CIT: variants seen among roughly 807,000 people sequenced by gnomAD.
CIT encodes the protein citron Rho-interacting kinase.
Under a neutral mutation model 272.7 loss-of-function variants are expected in CIT, and 79 were observed. The ratio of observed to expected loss-of-function variants is 0.29; its 90% CI spans 0.24 to 0.35. The LOEUF (loss-of-function observed/expected upper bound fraction) is 0.35, where lower values mean the gene tolerates loss of function less well. Among genes scored for constraint, CIT ranks in the 10% least tolerant of loss-of-function variants. The pLI is 1.00. For missense variants in CIT, 1,909 were observed against 2,618.3 expected (o/e 0.73, Z 5.91); for synonymous variants, 948 against 995.6 (o/e 0.95, Z 0.90).
At chr12:119,739,161 T>G (rs1670235059) in intron 24 of CIT, among the ~76,000 whole-genome samples, 1 of 152,200 alleles carries the variant, frequency 6.6e-6, no homozygotes, top group South Asian at 2.1e-4. Flanking sequence ...GGCAGCTATT[T>G]GCATATTATT....
intron 24 of CIT, among the ~76,000 whole-genome samples, chr12:119,738,624 C>T (rs145756704): frequency 0.015 from 2,357 of 152,148 alleles, 68 homozygotes; most frequent in African/African-American, 0.055. Flanking sequence ...TGGCTCACAC[C>T]TGTAATCCCA....
At chr12:119,696,802 C>T (rs755606599) in intron 46 of CIT, among the ~76,000 whole-genome samples, 2 of 152,180 alleles carry the variant, frequency 1.3e-5, no homozygotes, top group African/African-American at 4.8e-5. Context: ...GCTGGGATTA[C>T]AGGTGTGAGC....
chr12:119,858,045 G>C (rs1268111010), intron 3 of CIT, among the ~76,000 whole-genome samples: 1 of 152,204 alleles, frequency 6.6e-6, no homozygotes, highest in African/African-American at 2.4e-5. Context: ...TTAGCATTTA[G>C]ACTGGTTTAC....
At chr12:119,760,888 T>A (rs1961699085) in intron 20 of CIT, 51 bp downstream of exon 20, 7 of 1,155,368 alleles carry the variant, frequency 6.1e-6, no homozygotes, top group Non-Finnish European at 9.2e-6. Flanking sequence ...ATTCTTGGCA[T>A]ATTTCAAAAA....
chr12:119,782,508 G>A lies in CIT; in HGVS notation c.1665+10C>T. The A allele has an allele frequency of 6.2e-7, 1 of 1,613,248 alleles. No homozygotes were observed. The highest frequency in any genetic ancestry group is 8.5e-7 in the Non-Finnish European group (1 of 1,179,696). ...GAGATGCTGCTGTGCTCCCAGGCAA[G>A]CAGGCCTACCTGCTCTTTGATTTCT... On this transcript the variant is annotated intron_variant, in intron 13 of 47. Transcript: ENST00000392521.
chr12:119,853,324 C>CAA (rs199867661), intron 4 of CIT, among the ~76,000 whole-genome samples: 6 of 82,692 alleles, frequency 7.3e-5, no homozygotes, highest in Non-Finnish European at 1.2e-4. Flanking sequence ...ACTCTGTCTC[C>CAA]AAAAAAAAAA....
At chr12:119,724,852 C>T (rs779401953) in intron 28 of CIT, among the ~76,000 whole-genome samples, 1 of 133,522 alleles carries the variant, frequency 7.5e-6, no homozygotes, top group African/African-American at 2.7e-5. Flanking sequence ...GGCAGAATGG[C>T]GTGAACCCGG....
intron 23 of CIT, among the ~76,000 whole-genome samples, chr12:119,747,271 A>G (rs574052414): frequency 6.8e-4 from 104 of 152,210 alleles, no homozygotes; most frequent in African/African-American, 2.3e-3. Context: ...AAATTTAAAA[A>G]TTAGCTGGGA....
chr12:119,742,067 G>C (rs1959084442), intron 24 of CIT, among the ~76,000 whole-genome samples: 2 of 152,144 alleles, frequency 1.3e-5, no homozygotes, highest in Non-Finnish European at 2.9e-5. Flanking sequence ...ACCTGGGCTA[G>C]CCATGGAACC....
rs367890161 is a variant in CIT at position 119,689,567 on chromosome 12, G to A, written c.6186+584C>T. On this transcript the variant is annotated intron_variant, in intron 47 of 47. Coordinates refer to ENST00000392521, the MANE Select transcript of CIT (RefSeq NM_001206999.2). The stretch of plus-strand genomic sequence containing the variant: ...GAAACTGCTACCACTTGCCTCTGGA[G>A]AAGGGAAAACATTTTTTGGTAGCTA... Among the ~76,000 whole-genome samples, 3 of 150,292 alleles carry A rather than the reference G, an allele frequency of 2.0e-5. No homozygotes were observed. The South Asian group carries it at 6.3e-4, about 32-fold the overall frequency.
At chr12:119,703,504 C>A (rs982379249) in intron 41 of CIT, among the ~76,000 whole-genome samples, 1 of 147,218 alleles carries the variant, frequency 6.8e-6, no homozygotes, top group East Asian at 2.0e-4. Context: ...CGGTTCACTG[C>A]AACTTCCACC....
chr12:119,847,712 G>A (rs112303655), intron 5 of CIT, among the ~76,000 whole-genome samples: 4,477 of 151,804 alleles, frequency 0.029, 202 homozygotes, highest in African/African-American at 0.1. Flanking sequence ...CCAACATGGC[G>A]AAACCCCGTC....
chr12:119,791,734 T>G (rs1032863202), intron 10 of CIT, among the ~76,000 whole-genome samples: 3 of 152,202 alleles, frequency 2.0e-5, no homozygotes, highest in East Asian at 3.8e-4. Context: ...TCCTTTTTTT[T>G]CCAGCTTCTA....
intron 10 of CIT, among the ~76,000 whole-genome samples, chr12:119,788,174 T>C (rs990866401): frequency 6.6e-6 from 1 of 152,230 alleles, no homozygotes; most frequent in African/African-American, 2.4e-5. Context: ...TACTTTTGGC[T>C]AGAAATTTTA....
chr12:119,710,363 T>G lies in CIT; in HGVS notation c.4959A>C (p.Glu1653Asp), dbSNP rs746025869. Residue 1653 changes from glutamate to aspartate, a missense_variant, in exon 39 of 48, where the codon GAA becomes GAC. This residue lies in a region of CIT where 780 missense variants were observed against 1,067.2 expected (regional missense o/e 0.73). Transcript: ENST00000392521. The surrounding 1 kb of genome is among the most constrained non-coding windows in gnomAD (Gnocchi z 5.6). ...SDQVVLVGTE[E>D]GLYALNVLKN... ...TCAAGACATTCAGGGCGTAGAGCCC[T>G]TCCTCGGTGCCCACCAACACCACCT... 1.4e-5 allele frequency: 23 copies of G among 1,614,200 alleles called. 1 individual carries two copies. Among genetic ancestry groups the G allele is most frequent in the Admixed American group, 1.0e-4 (6 of 60,018 alleles).
At chr12:119,833,663 C>CAAAAAAAAAAAAAAAAAAAAAAAAA (rs35433156) in intron 6 of CIT, among the ~76,000 whole-genome samples, 1 of 83,846 alleles carries the variant, frequency 1.2e-5, no homozygotes. Flanking sequence ...GACTCTGTCT[C>CAAAAAAAAAAAAAAAAAAAAAAAAA]AAAAAAAAAA....
Position 119,779,772 on chromosome 12 carries a change from T to A in CIT, c.1665+2746A>T, listed in dbSNP as rs146931203. Among the ~76,000 whole-genome samples the A allele has an allele frequency of 6.6e-5, 10 of 152,294 alleles. 1 individual carries two copies. In the East Asian group the frequency reaches 1.9e-3, roughly 29 times the overall value. ...AGGCAGGAATCAGGCAACCACTCTG[T>A]CAGCTCTCCAAGCTCTCGGGGCACC... On this transcript the variant is annotated intron_variant, in intron 13 of 47. Coordinates refer to ENST00000392521, the MANE Select transcript of CIT (RefSeq NM_001206999.2).
intron 30 of CIT, among the ~76,000 whole-genome samples, chr12:119,719,676 T>C (rs1957730080): frequency 6.6e-6 from 1 of 152,118 alleles, no homozygotes; most frequent in African/African-American, 2.4e-5. Flanking sequence ...CTCCACTCCT[T>C]CCTCCTAGGT....
chr12:119,859,848 C>T (rs534568473), intron 3 of CIT, among the ~76,000 whole-genome samples: 13 of 152,166 alleles, frequency 8.5e-5, no homozygotes, highest in African/African-American at 2.9e-4. Flanking sequence ...GCTCTGTCGC[C>T]CAGGCTGGAA....
Sources: allele counts gnomAD v4.1 joint callset (sites outside exome capture counted in the v4.1 genomes callset), GRCh38; gene constraint gnomAD v4.1.1; regional missense constraint gnomAD v4.1.1; non-coding constraint Gnocchi (gnomAD v3.1); transcripts MANE v1.5; gene names NCBI Gene and HGNC (gene_info 2026-07-23, HGNC 2026-07-21).